Variants in NDUFAF2 observed in about 807,000 individuals in gnomAD.
The protein encoded by NDUFAF2 is NADH dehydrogenase [ubiquinone] 1 alpha subcomplex assembly factor 2.
Under a neutral mutation model 22.8 loss-of-function variants are expected in NDUFAF2, and 13 were observed. The observed-to-expected ratio is 0.57, with a 90% CI of 0.37 to 0.91. The LOEUF is 0.91. Ranked by LOEUF, NDUFAF2 falls within the 40% of genes least tolerant of loss-of-function variation. The pLI is 0.01. For synonymous variants in NDUFAF2, 53 were observed against 64.2 expected (o/e 0.83, Z 0.84); for missense variants, 162 against 195.2 (o/e 0.83, Z 1.01).
chr5:61,101,628 G>C (rs977042700), intron 3 of NDUFAF2, among the ~76,000 whole-genome samples: 3 of 151,858 alleles, frequency 2.0e-5, no homozygotes, highest in African/African-American at 4.8e-5. Flanking sequence ...TTTTTTTCCA[G>C]ATCTTTTAGT....
chr5:61,019,009 T>A (rs1490458210), intron 1 of NDUFAF2, among the ~76,000 whole-genome samples: 1 of 152,168 alleles, frequency 6.6e-6, no homozygotes, highest in African/African-American at 2.4e-5. Flanking sequence ...ATTTTAGAGT[T>A]CTATTACCTT....
intron 1 of NDUFAF2, among the ~76,000 whole-genome samples, chr5:61,038,007 T>A (rs1156609461): frequency 7.0e-6 from 1 of 143,572 alleles, no homozygotes; most frequent in African/African-American, 2.6e-5. Flanking sequence ...ACAGCATGAC[T>A]TGGTGGTTGA....
chr5:61,009,939 T>G (rs1404479248), intron 1 of NDUFAF2, among the ~76,000 whole-genome samples: 3 of 152,090 alleles, frequency 2.0e-5, no homozygotes, highest in Non-Finnish European at 4.4e-5. Context: ...TAATAAATGA[T>G]GCCACTTCCA....
chr5:61,010,398 G>A (rs945201810), intron 1 of NDUFAF2, among the ~76,000 whole-genome samples: 3 of 151,970 alleles, frequency 2.0e-5, no homozygotes, highest in African/African-American at 4.8e-5. Flanking sequence ...TCTTCAATTC[G>A]TTTTCTGTGT....
At chr5:61,037,105 G>T (rs80046380) in intron 1 of NDUFAF2, among the ~76,000 whole-genome samples, 3,657 of 152,196 alleles carry the variant, frequency 0.024, 61 homozygotes, top group Non-Finnish European at 0.037. Flanking sequence ...TTGCTCTCTT[G>T]TGTGGGAGAA....
At chr5:61,134,145 T>C (rs1579848396) in intron 3 of NDUFAF2, among the ~76,000 whole-genome samples, 1 of 152,212 alleles carries the variant, frequency 6.6e-6, no homozygotes, top group East Asian at 1.9e-4. Flanking sequence ...TCGTGATATA[T>C]TGTCAAGTAA....
chr5:61,093,301 A>G (rs1048024898), intron 2 of NDUFAF2, among the ~76,000 whole-genome samples: 16 of 152,158 alleles, frequency 1.1e-4, no homozygotes, highest in African/African-American at 3.6e-4. Context: ...GGAACAATAT[A>G]TTTTATCCTT....
At chr5:60,969,729 T>C (rs1285927668) in intron 1 of NDUFAF2, among the ~76,000 whole-genome samples, 1 of 152,162 alleles carries the variant, frequency 6.6e-6, no homozygotes, top group Admixed American at 6.5e-5. Flanking sequence ...TTTAACTTAA[T>C]GTGATCCCAT....
rs1561547931 is a variant in NDUFAF2 at position 61,038,116 on chromosome 5, G to GA, written c.128-35009_128-35008insA. ...AGAGAGAGAGAGAGAGAGAGAGAGA[G>GA]GGAGAGAGAGAAAGTCAGCAATGTT... On this transcript the variant is annotated intron_variant, in intron 1 of 3. Transcript: ENST00000296597. Among the ~76,000 whole-genome samples the GA allele has an allele frequency of 5.9e-3, 874 of 147,476 alleles. 8 individuals are homozygous for GA. The highest frequency in any genetic ancestry group is 0.02 in the African/African-American group (801 of 39,930).
chr5:61,043,691 GTGTGTGTGTGTA>G (rs965318511), intron 1 of NDUFAF2, among the ~76,000 whole-genome samples: 2 of 148,220 alleles, frequency 1.3e-5, no homozygotes, highest in Non-Finnish European at 1.5e-5. Flanking sequence ...GTGTGTGTGT[GTGTGTGTGTGTA>G]TGTGTGTGTG....
chr5:61,152,621 T>G (rs936932112), intron 3 of NDUFAF2, 83 bp from the exon 4 acceptor site: 1 of 935,634 alleles, frequency 1.1e-6, no homozygotes, highest in African/African-American at 1.7e-5. Flanking sequence ...GTATATAATG[T>G]ATTTTATTTT....
intron 1 of NDUFAF2, among the ~76,000 whole-genome samples, chr5:61,009,782 A>G (rs1396512305): frequency 2.0e-5 from 3 of 152,054 alleles, no homozygotes; most frequent in African/African-American, 7.2e-5. Flanking sequence ...GATTCCAGAC[A>G]CTTAAAGACA....
At chr5:61,076,140 G>T (rs898330325) in intron 2 of NDUFAF2, among the ~76,000 whole-genome samples, 1 of 152,140 alleles carries the variant, frequency 6.6e-6, no homozygotes, top group Non-Finnish European at 1.5e-5. Flanking sequence ...GCGCGATCTT[G>T]GCTCACTGCA....
intron 1 of NDUFAF2, among the ~76,000 whole-genome samples, chr5:61,048,130 C>G (rs1751976317): frequency 6.6e-6 from 1 of 152,068 alleles, no homozygotes; most frequent in East Asian, 1.9e-4. Flanking sequence ...GCATCTAATA[C>G]TTTTTTTAAG....
intron 1 of NDUFAF2, among the ~76,000 whole-genome samples, chr5:61,001,408 T>C (rs73095991): frequency 0.047 from 7,177 of 152,214 alleles, 573 homozygotes; most frequent in African/African-American, 0.16. Flanking sequence ...TTGTGAAGAT[T>C]GTGCACCAAT....
Position 61,099,003 on chromosome 5 carries a change from A to G in NDUFAF2, c.229A>G (p.Arg77Gly). The G allele has an allele frequency of 6.3e-7, 1 of 1,599,582 alleles. No homozygotes were observed. Among genetic ancestry groups the G allele is most frequent in the Non-Finnish European group, 8.6e-7 (1 of 1,169,158 alleles). ...IPTEWEAWIR[R>G]TRKTPPTMEE... Reference sequence around the variant, plus strand: ...ATTTTTCTTTCTAGCTTGGATTAGAAGAACAAGAAAGACTCCACCTACTAT... The same window carrying G: ...ATTTTTCTTTCTAGCTTGGATTAGAGGAACAAGAAAGACTCCACCTACTAT... The change falls in exon 3 of 4, where the codon AGA becomes GGA. Residue 77 changes from arginine (R) to glycine (G), a missense_variant. This residue lies in a region of NDUFAF2 where 68 missense variants were observed against 110.0 expected (regional missense o/e 0.62). Transcript: ENST00000296597.
intron 3 of NDUFAF2, among the ~76,000 whole-genome samples, chr5:61,102,527 G>T (rs1479405471): frequency 6.6e-6 from 1 of 151,994 alleles, no homozygotes; most frequent in Non-Finnish European, 1.5e-5. Flanking sequence ...ATTTAAGATG[G>T]ATTATAGACT....
At chr5:61,044,949 A>G (rs757921604) in intron 1 of NDUFAF2, among the ~76,000 whole-genome samples, 41 of 151,556 alleles carry the variant, frequency 2.7e-4, no homozygotes, top group Non-Finnish European at 5.3e-4. Context: ...AAATCTTTCA[A>G]TCCGTGAACA....
intron 2 of NDUFAF2, among the ~76,000 whole-genome samples, chr5:61,089,486 G>A (rs968375716): frequency 6.6e-6 from 1 of 152,070 alleles, no homozygotes; most frequent in Non-Finnish European, 1.5e-5. Context: ...GTAGTAGTTG[G>A]GAAATTGGGT....
Sources: allele counts gnomAD v4.1 joint callset (sites outside exome capture counted in the v4.1 genomes callset), GRCh38; gene constraint gnomAD v4.1.1; regional missense constraint gnomAD v4.1.1; transcripts MANE v1.5; gene names NCBI Gene and HGNC (gene_info 2026-07-23, HGNC 2026-07-21).